The following KCNMA1 variants were observed in gnomAD, a reference collection of about 807,000 sequenced individuals.
KCNMA1 encodes the protein potassium calcium-activated channel subfamily M alpha 1.
KCNMA1 carries 29 observed loss-of-function variants against 140.0 expected under a neutral mutation model. That is an observed-to-expected ratio of 0.21 (90% confidence interval 0.15 to 0.28). The LOEUF (loss-of-function observed/expected upper bound fraction) is 0.28, where lower values mean the gene tolerates loss of function less well. KCNMA1 is among the 10% of genes least tolerant of loss of function. KCNMA1 has a pLI of 1.00. For synonymous variants in KCNMA1, 612 were observed against 611.9 expected (o/e 1.00, Z 0.00); for missense variants, 880 against 1,602.2 (o/e 0.55, Z 7.70).
chr10:77,473,342 C>T (rs2098208624), intron 1 of KCNMA1, among the ~76,000 whole-genome samples: 1 of 152,188 alleles, frequency 6.6e-6, no homozygotes, highest in Admixed American at 6.5e-5. Flanking sequence ...AGTGAAGGCT[C>T]TTGCAATTAT....
chr10:77,418,196 A>ACTCCTT (rs1411662689), intron 1 of KCNMA1, among the ~76,000 whole-genome samples: 1 of 151,680 alleles, frequency 6.6e-6, no homozygotes, highest in Non-Finnish European at 1.5e-5. Context: ...GATTCAGAGA[A>ACTCCTT]CTCCTTCTCC....
intron 1 of KCNMA1, among the ~76,000 whole-genome samples, chr10:77,406,533 C>T (rs1479244869): frequency 1.3e-5 from 2 of 152,132 alleles, no homozygotes; most frequent in East Asian, 3.9e-4. Flanking sequence ...CATCCCAGAA[C>T]CTACATTCGA....
At chr10:77,199,165 CAG>C (rs1286649754) in intron 3 of KCNMA1, among the ~76,000 whole-genome samples, 1 of 152,216 alleles carries the variant, frequency 6.6e-6, no homozygotes, top group African/African-American at 2.4e-5. Context: ...ATTAAAAACT[CAG>C]AGGCTTAGTT....
intron 6 of KCNMA1, among the ~76,000 whole-genome samples, chr10:77,117,551 A>T: frequency 6.7e-6 from 1 of 150,162 alleles, no homozygotes; most frequent in Admixed American, 6.6e-5. Flanking sequence ...AAAAAAAAAA[A>T]AAAAAAAAAA....
intron 1 of KCNMA1, among the ~76,000 whole-genome samples, chr10:77,573,068 T>G (rs964616303): frequency 6.6e-6 from 1 of 151,972 alleles, no homozygotes; most frequent in African/African-American, 2.4e-5. Context: ...CTTTTCAGAG[T>G]TTGGGGGACT....
chr10:77,411,333 C>T (rs565557910), intron 1 of KCNMA1, among the ~76,000 whole-genome samples: 13 of 152,234 alleles, frequency 8.5e-5, no homozygotes, highest in African/African-American at 2.6e-4. Flanking sequence ...AGGAGAGCTA[C>T]AGCAAATGGA....
At chr10:77,213,051 A>G (rs2046589745) in intron 3 of KCNMA1, among the ~76,000 whole-genome samples, 1 of 151,924 alleles carries the variant, frequency 6.6e-6, no homozygotes, top group Non-Finnish European at 1.5e-5. Context: ...ACTATCGTTT[A>G]TTTCTGCAAT....
intron 5 of KCNMA1, among the ~76,000 whole-genome samples, chr10:77,175,626 C>G (rs1479898415): frequency 6.6e-6 from 1 of 152,142 alleles, no homozygotes; most frequent in Non-Finnish European, 1.5e-5. Context: ...CAGCACAATA[C>G]AAAGGTCAGA....
intron 1 of KCNMA1, among the ~76,000 whole-genome samples, chr10:77,607,556 G>A (rs2084985703): frequency 6.6e-6 from 1 of 152,164 alleles, no homozygotes; most frequent in African/African-American, 2.4e-5. Context: ...CAAAGAGGGA[G>A]GTAGAGGGAG....
chr10:77,250,800 T>G, intron 3 of KCNMA1: 1 of 243,396 alleles, frequency 4.1e-6, no homozygotes, highest in Non-Finnish European at 8.1e-6. Context: ...GAGAAAAGGA[T>G]CCTACAACCA....
chr10:77,558,249 G>A (rs1191232503), intron 1 of KCNMA1, among the ~76,000 whole-genome samples: 1 of 152,044 alleles, frequency 6.6e-6, no homozygotes, highest in African/African-American at 2.4e-5. Context: ...TAACACAGAT[G>A]GTAGGACATG....
intron 1 of KCNMA1, among the ~76,000 whole-genome samples, chr10:77,426,680 CT>C (rs1384691116): frequency 6.6e-6 from 1 of 152,224 alleles, no homozygotes; most frequent in African/African-American, 2.4e-5. Context: ...TATAACATCT[CT>C]GAAGCCCCTG....
chr10:77,125,436 A>C (rs1156798866), intron 5 of KCNMA1, among the ~76,000 whole-genome samples: 1 of 152,224 alleles, frequency 6.6e-6, no homozygotes, highest in African/African-American at 2.4e-5. Flanking sequence ...GCCTCTGCAC[A>C]TGCAGCCTCT....
chr10:76,996,900 A>T (rs1216409421), intron 19 of KCNMA1, among the ~76,000 whole-genome samples: 1 of 152,200 alleles, frequency 6.6e-6, no homozygotes, highest in Admixed American at 6.5e-5. Flanking sequence ...TGAGATAATT[A>T]TAGGCTGTTG....
chr10:77,588,825 C>G (rs1468406391), intron 1 of KCNMA1, among the ~76,000 whole-genome samples: 1 of 152,228 alleles, frequency 6.6e-6, no homozygotes, highest in Non-Finnish European at 1.5e-5. Flanking sequence ...GCATTTCAAG[C>G]CTATTCAACA....
chr10:77,360,812 A>C (rs1191870590), intron 2 of KCNMA1, among the ~76,000 whole-genome samples: 2 of 152,182 alleles, frequency 1.3e-5, no homozygotes, highest in Admixed American at 1.3e-4. Context: ...ACAAAGCAGC[A>C]GTCGGAATCT....
intron 1 of KCNMA1, among the ~76,000 whole-genome samples, chr10:77,445,505 A>C (rs2097511698): frequency 6.6e-6 from 1 of 152,190 alleles, no homozygotes; most frequent in Admixed American, 6.5e-5. Context: ...AAGGTCCTTT[A>C]ATGAAAGTTT....
intron 9 of KCNMA1, among the ~76,000 whole-genome samples, chr10:77,104,501 C>T (rs1487758032): frequency 6.6e-6 from 1 of 152,166 alleles, no homozygotes; most frequent in African/African-American, 2.4e-5. Context: ...CTCTCGTGTG[C>T]CCTGTCAGCA....
chr10:76,903,951 T>C (rs996771613), intron 25 of KCNMA1: 1 of 152,118 alleles, frequency 6.6e-6, no homozygotes, highest in African/African-American at 2.4e-5. Flanking sequence ...CTCCCAAATA[T>C]TATCTAAGAT....
Sources: allele counts gnomAD v4.1 joint callset (sites outside exome capture counted in the v4.1 genomes callset), GRCh38; gene constraint gnomAD v4.1.1; transcripts MANE v1.5; gene names NCBI Gene and HGNC (gene_info 2026-07-23, HGNC 2026-07-21).